TMEM117: variants seen among roughly 807,000 people sequenced by gnomAD.
The protein encoded by TMEM117 is transmembrane protein 117.
A neutral mutation model predicts 52.4 loss-of-function variants in TMEM117; 27 were observed. That is an observed-to-expected ratio of 0.51 (90% CI 0.38 to 0.71). The LOEUF (loss-of-function observed/expected upper bound fraction) is 0.71. Among genes scored for constraint, TMEM117 ranks in the 30% least tolerant of loss-of-function variants. The pLI is 0.00. For synonymous variants in TMEM117, 215 were observed against 206.3 expected, an observed-to-expected ratio of 1.04 and a Z score of -0.36; for missense variants, 556 against 630.5, an observed-to-expected ratio of 0.88 and a Z score of 1.26.
chr12:43,849,620 T>TTC (rs72048937), intron 2 of TMEM117, among the ~76,000 whole-genome samples: 4,526 of 152,166 alleles, frequency 0.03, 144 homozygotes, highest in African/African-American at 0.075. Flanking sequence ...TGCAAGTGAA[T>TTC]TCTCTCTCTC....
intron 3 of TMEM117, among the ~76,000 whole-genome samples, chr12:43,988,015 CTAATTTTGTATCAACTAAAA>C (rs1235842988): frequency 6.6e-6 from 1 of 152,030 alleles, no homozygotes; most frequent in African/African-American, 2.4e-5. Context: ...TTATCATATT[CTAATTTTGTATCAACTAAAA>C]TAATATATTT....
chr12:44,368,622 G>A (rs56147425), intron 6 of TMEM117, among the ~76,000 whole-genome samples: 41 of 152,146 alleles, frequency 2.7e-4, no homozygotes, highest in African/African-American at 9.4e-4. Context: ...TAGCCCATAG[G>A]AGAAATTAGT....
intron 5 of TMEM117, among the ~76,000 whole-genome samples, chr12:44,288,099 A>G (rs973382406): frequency 2.6e-5 from 4 of 152,238 alleles, no homozygotes; most frequent in African/African-American, 7.2e-5. Flanking sequence ...CTGAATTATC[A>G]TAGCATGGTG....
intron 6 of TMEM117, among the ~76,000 whole-genome samples, chr12:44,351,219 A>G (rs373274422): frequency 6.6e-6 from 1 of 151,884 alleles, no homozygotes. Flanking sequence ...ATTTTTTCCT[A>G]TAGAGTTATT....
At chr12:44,245,166 A>G (rs1045337934) in intron 5 of TMEM117, among the ~76,000 whole-genome samples, 3 of 152,012 alleles carry the variant, frequency 2.0e-5, no homozygotes, top group Admixed American at 1.3e-4. Flanking sequence ...TGCTTTGACT[A>G]TTCAGAGTCT....
At chr12:44,156,609 A>C (rs1948828670) in intron 4 of TMEM117, among the ~76,000 whole-genome samples, 1 of 152,034 alleles carries the variant, frequency 6.6e-6, no homozygotes, top group South Asian at 2.1e-4. Context: ...TGTTTCTCTA[A>C]GGTGGTTCCA....
chr12:44,255,069 T>C (rs1950243992), intron 5 of TMEM117, among the ~76,000 whole-genome samples: 1 of 152,176 alleles, frequency 6.6e-6, no homozygotes, highest in Non-Finnish European at 1.5e-5. Context: ...TGTTGGACAT[T>C]TGGGTTGGTT....
chr12:44,011,980 G>A (rs1308530492), intron 3 of TMEM117, among the ~76,000 whole-genome samples: 2 of 152,124 alleles, frequency 1.3e-5, no homozygotes, highest in East Asian at 1.9e-4. Flanking sequence ...ACTTAGAATG[G>A]TGCATAGTTT....
rs1041038239 is a variant in TMEM117 at position 43,839,913 on chromosome 12, A to G, written c.-29+3717A>G. Reference sequence around the variant, plus strand: ...ATTCTCTATTTTCAGTAAAATACAGACCAACACTTTTGGATAATCTTTGTT... The same window carrying G: ...ATTCTCTATTTTCAGTAAAATACAGGCCAACACTTTTGGATAATCTTTGTT... On this transcript the variant is annotated intron_variant, in intron 1 of 7. Transcript: ENST00000266534. Among the ~76,000 whole-genome samples the G allele has an allele frequency of 2.0e-5, 3 of 152,212 alleles. No individual in the cohort carries two copies. In the East Asian group the frequency reaches 5.8e-4, roughly 29 times the overall value.
At chr12:44,273,210 AG>A (rs1315327671) in intron 5 of TMEM117, among the ~76,000 whole-genome samples, 2 of 151,510 alleles carry the variant, frequency 1.3e-5, no homozygotes, top group East Asian at 4.0e-4. Context: ...ATCACACACC[AG>A]GACCTGTTGT....
chr12:43,844,451 A>G (rs1358276525), intron 1 of TMEM117, among the ~76,000 whole-genome samples, 173 bp from the exon 2 acceptor site: 1 of 152,250 alleles, frequency 6.6e-6, no homozygotes, highest in Non-Finnish European at 1.5e-5. Context: ...ATGTTAGGGA[A>G]GGGACAGTAT....
rs773081372 is a variant in TMEM117 at position 44,388,237 on chromosome 12, T to C, written c.1110T>C (p.Thr370=). ...EWRSNHTNPR[T]NKTYVEGDMF... The stretch of plus-strand genomic sequence containing the variant: ...GGTCCAATCACACTAACCCTCGGAC[T>C]AATAAAACATATGTTGAGGGAGACA... Residue 370 remains threonine, a synonymous_variant, in exon 8 of 8, where the codon ACT becomes ACC. Coordinates refer to ENST00000266534, the MANE Select transcript of TMEM117 (RefSeq NM_032256.3). The C allele has an allele frequency of 1.9e-6, 3 of 1,613,570 alleles. No homozygotes were observed. Among genetic ancestry groups the C allele is most frequent in the Non-Finnish European group, 8.5e-7 (1 of 1,179,642 alleles).
At chr12:44,135,034 C>A (rs1490458835) in intron 3 of TMEM117, among the ~76,000 whole-genome samples, 1 of 152,194 alleles carries the variant, frequency 6.6e-6, no homozygotes, top group Non-Finnish European at 1.5e-5. Context: ...CTCTCACTCT[C>A]TGCCACTCTC....
chr12:44,126,475 T>G (rs1475914147), intron 3 of TMEM117, among the ~76,000 whole-genome samples: 1 of 152,224 alleles, frequency 6.6e-6, no homozygotes, highest in Admixed American at 6.5e-5. Flanking sequence ...TTAGGCAATA[T>G]GTCAGATTCT....
At chr12:44,140,457 A>T (rs1195153359) in intron 3 of TMEM117, among the ~76,000 whole-genome samples, 1 of 152,108 alleles carries the variant, frequency 6.6e-6, no homozygotes, top group Non-Finnish European at 1.5e-5. Context: ...CCACTGGAGA[A>T]TCAACAGTAG....
At chr12:44,086,212 G>A (rs1337251582) in intron 3 of TMEM117, among the ~76,000 whole-genome samples, 1 of 141,902 alleles carries the variant, frequency 7.0e-6, no homozygotes, top group African/African-American at 2.8e-5. Context: ...TTGCTTCCAA[G>A]TCTTTTTTTT....
intron 4 of TMEM117, among the ~76,000 whole-genome samples, chr12:44,162,000 A>G (rs1220087720): frequency 6.6e-6 from 1 of 152,140 alleles, no homozygotes; most frequent in Non-Finnish European, 1.5e-5. Context: ...CAGAAAATAA[A>G]TTGGACTTTA....
chr12:44,335,137 G>A (rs562988518), intron 6 of TMEM117, among the ~76,000 whole-genome samples: 8 of 152,018 alleles, frequency 5.3e-5, no homozygotes, highest in Non-Finnish European at 1.0e-4. Flanking sequence ...GGCTTGAGAA[G>A]AGCAACAGAG....
At chr12:44,221,542 C>T (rs1369819918) in intron 5 of TMEM117, among the ~76,000 whole-genome samples, 4 of 152,100 alleles carry the variant, frequency 2.6e-5, no homozygotes, top group Non-Finnish European at 5.9e-5. Context: ...TGAGCATCCA[C>T]CTAGCTGCTA....
Sources: gnomAD v4.1 joint callset for allele counts (sites outside exome capture counted in the v4.1 genomes callset) on GRCh38, gnomAD v4.1.1 for gene constraint, MANE v1.5 for transcripts, NCBI Gene and HGNC (gene_info 2026-07-23, HGNC 2026-07-21) for gene names.